Variants in SYNE1 observed in about 807,000 individuals in gnomAD.
SYNE1 encodes spectrin repeat containing nuclear envelope protein 1.
Under a neutral mutation model 1,111.0 loss-of-function variants are expected in SYNE1, and 616 were observed. The ratio of observed to expected loss-of-function variants is 0.55; its 90% CI spans 0.52 to 0.59. SYNE1 has a LOEUF of 0.59. Among genes scored for constraint, SYNE1 ranks in the 20% least tolerant of loss-of-function variants. The pLI is 0.00. For synonymous variants in SYNE1, 3,855 were observed against 3,825.8 expected (o/e 1.01, Z -0.28); for missense variants, 10,006 against 10,417.0 (o/e 0.96, Z 1.72).
chr6:152,453,743 G>A, intron 24 of SYNE1, 23 bp from the exon 25 acceptor site: 1 of 1,614,002 alleles, frequency 6.2e-7, no homozygotes, highest in Non-Finnish European at 8.5e-7. Context: ...GGGAAAGTGG[G>A]TAAGAGTGTT....
intron 108 of SYNE1, 30 bp downstream of exon 108, chr6:152,239,503 G>A: frequency 1.2e-6 from 2 of 1,613,906 alleles, no homozygotes; most frequent in African/African-American, 2.7e-5. Flanking sequence ...GAAGTTTGCA[G>A]CACAGAAGAT....
chr6:152,486,942 T>C (rs2098944297), intron 12 of SYNE1, among the ~76,000 whole-genome samples: 2 of 152,196 alleles, frequency 1.3e-5, no homozygotes, highest in African/African-American at 4.8e-5. Flanking sequence ...CAGAATATAA[T>C]TCAGAATATA....
intron 16 of SYNE1, among the ~76,000 whole-genome samples, chr6:152,467,147 T>C (rs2098774750): frequency 6.6e-6 from 1 of 152,110 alleles, no homozygotes; most frequent in African/African-American, 2.4e-5. Context: ...AGCATTTACT[T>C]ATAAATTAAC....
At chr6:152,292,800 C>A (rs1468027940) in intron 95 of SYNE1, among the ~76,000 whole-genome samples, 1 of 152,154 alleles carries the variant, frequency 6.6e-6, no homozygotes, top group Non-Finnish European at 1.5e-5. Flanking sequence ...GTCACATGCT[C>A]CTGGGTTCTT....
intron 141 of SYNE1, among the ~76,000 whole-genome samples, chr6:152,136,045 A>G (rs181917999): frequency 1.1e-3 from 161 of 152,216 alleles, no homozygotes; most frequent in Non-Finnish European, 1.7e-3. Context: ...CAAAGAGCCA[A>G]ATAAATTCCC....
chr6:152,399,837 G>C lies in SYNE1; in HGVS notation c.7030-14C>G, dbSNP rs1257361080. ...TTTTTGTATATCCTACAGAATAAAA[G>C]TATATTATGAAGGATATTCATAACT... On this transcript the variant is annotated splice_polypyrimidine_tract_variant and intron_variant, in intron 47 of 145. Transcript: ENST00000367255. 1.9e-6 allele frequency: 3 copies of C among 1,610,720 alleles called. No individual in the cohort carries two copies. Among genetic ancestry groups the C allele is most frequent in the African/African-American group, 2.7e-5 (2 of 74,828 alleles).
At chr6:152,255,438 G>C (rs1444686771) in intron 103 of SYNE1, among the ~76,000 whole-genome samples, 153 bp downstream of exon 103, 1 of 152,102 alleles carries the variant, frequency 6.6e-6, no homozygotes, top group South Asian at 2.1e-4. Context: ...ATGAAAATGC[G>C]AACTATAAAT....
chr6:152,359,495 T>C (rs756333492), intron 64 of SYNE1, 37 bp from the exon 65 acceptor site: 1 of 1,613,712 alleles, frequency 6.2e-7, no homozygotes, highest in Non-Finnish European at 8.5e-7. Flanking sequence ...TGGCCATTCA[T>C]GCACCATCAC....
chr6:152,542,489 C>A (rs1034834533), intron 3 of SYNE1, among the ~76,000 whole-genome samples: 2 of 152,082 alleles, frequency 1.3e-5, no homozygotes, highest in Admixed American at 6.5e-5. Context: ...ATTTATTTAT[C>A]ATTATATATT....
chr6:152,516,973 C>T (rs1318439813), intron 6 of SYNE1, among the ~76,000 whole-genome samples: 1 of 152,096 alleles, frequency 6.6e-6, no homozygotes, highest in Non-Finnish European at 1.5e-5. Context: ...GAAGAGAAAC[C>T]CTTCAATAAG....
intron 127 of SYNE1, among the ~76,000 whole-genome samples, chr6:152,194,667 G>T (rs1396311824): frequency 1.3e-5 from 2 of 151,974 alleles, no homozygotes; most frequent in Non-Finnish European, 2.9e-5. Context: ...CTATTTTCTG[G>T]ATCCTGTAGG....
intron 57 of SYNE1, 68 bp downstream of exon 57, chr6:152,376,708 C>T: frequency 6.3e-7 from 1 of 1,599,432 alleles, no homozygotes; most frequent in East Asian, 2.2e-5. Flanking sequence ...GAAATTACAC[C>T]TTAAAATAAA....
intron 11 of SYNE1, among the ~76,000 whole-genome samples, chr6:152,490,889 C>T (rs893401367): frequency 3.3e-5 from 5 of 152,160 alleles, no homozygotes; most frequent in Non-Finnish European, 5.9e-5. Flanking sequence ...ATCGGGCAAG[C>T]GGTCTTTTCA....
intron 14 of SYNE1, chr6:152,480,853 C>CCT (rs2098889436): frequency 4.4e-6 from 2 of 453,676 alleles, no homozygotes; most frequent in South Asian, 1.6e-5. Flanking sequence ...AACTCCTGCC[C>CCT]CTCTCTCTCT....
intron 104 of SYNE1, among the ~76,000 whole-genome samples, chr6:152,250,291 C>T (rs1485927380): frequency 6.6e-6 from 1 of 151,566 alleles, no homozygotes; most frequent in East Asian, 1.9e-4. Context: ...ATTTTTTTCT[C>T]TAAAATATCA....
intron 3 of SYNE1, among the ~76,000 whole-genome samples, chr6:152,575,402 A>G (rs1321947195): frequency 6.6e-6 from 1 of 152,202 alleles, no homozygotes; most frequent in Admixed American, 6.5e-5. Flanking sequence ...AGATGCCCCA[A>G]GACTCTCTGA....
intron 74 of SYNE1, among the ~76,000 whole-genome samples, chr6:152,340,980 G>T (rs1466526393): frequency 6.6e-6 from 1 of 152,204 alleles, no homozygotes; most frequent in Non-Finnish European, 1.5e-5. Flanking sequence ...ACTACAAGTT[G>T]CAGGGATAAA....
At chr6:152,198,273 C>A (rs1195686649) in intron 127 of SYNE1, among the ~76,000 whole-genome samples, 1 of 152,172 alleles carries the variant, frequency 6.6e-6, no homozygotes, top group African/African-American at 2.4e-5. Context: ...TCTGCAGTTA[C>A]TTCTCCTCCC....
chr6:152,448,964 GAA>G (rs1339419315), intron 28 of SYNE1, among the ~76,000 whole-genome samples: 1 of 152,202 alleles, frequency 6.6e-6, no homozygotes, highest in Non-Finnish European at 1.5e-5. Flanking sequence ...GTTCAAAGAT[GAA>G]GACTTTTTAC....
Sources: gnomAD v4.1 joint callset for allele counts (sites outside exome capture counted in the v4.1 genomes callset) on GRCh38, gnomAD v4.1.1 for gene constraint, MANE v1.5 for transcripts, NCBI Gene and HGNC (gene_info 2026-07-23, HGNC 2026-07-21) for gene names.